The following TMEM38B variants were observed in gnomAD, a reference collection of about 807,000 sequenced individuals.
The protein encoded by TMEM38B is transmembrane protein 38B, also known as trimeric intracellular cation channel type B.
A neutral mutation model predicts 28.7 loss-of-function variants in TMEM38B; 24 were observed. The observed-to-expected ratio is 0.84, with a 90% confidence interval of 0.61 to 1.18. The LOEUF (loss-of-function observed/expected upper bound fraction) is 1.18. Ranked by LOEUF, TMEM38B falls within the 50% of genes most tolerant of loss-of-function variation. TMEM38B has a pLI of 0.00. For missense variants in TMEM38B, 380 were observed against 350.9 expected (o/e 1.08, Z -0.66); for synonymous variants, 131 against 127.7 (o/e 1.03, Z -0.17).
chr9:105,721,394 C>G, intron 2 of TMEM38B, 143 bp from the exon 3 acceptor site: 1 of 655,378 alleles, frequency 1.5e-6, no homozygotes, highest in Non-Finnish European at 2.4e-6. Flanking sequence ...CCAAGTTGTG[C>G]TTTTATTGAA....
chr9:105,748,156 T>C lies in TMEM38B; in HGVS notation c.626T>C (p.Met209Thr). 3 of 1,613,464 alleles carry C rather than the reference T, an allele frequency of 1.9e-6. No homozygotes were observed. The highest frequency in any genetic ancestry group is 2.5e-6 in the Non-Finnish European group (3 of 1,179,494). Residue 209 changes from methionine to threonine, a missense_variant, in exon 5 of 6, where the codon ATG (methionine) becomes ACG (threonine). By Grantham distance (81) the Met-to-Thr change is moderately conservative. Transcript: ENST00000374692. Reference sequence around the variant, plus strand: ...CTGGCAATATCAAAGCATAATCTTATGTTCCTTTATACCATCTTTATTGTG... The same window carrying C: ...CTGGCAATATCAAAGCATAATCTTACGTTCCTTTATACCATCTTTATTGTG... ...QHLAISKHNL[M>T]FLYTIFIVAT...
intron 4 of TMEM38B, among the ~76,000 whole-genome samples, chr9:105,747,753 T>C (rs778048318): frequency 1.1e-3 from 172 of 152,302 alleles, no homozygotes; most frequent in Non-Finnish European, 2.0e-3. Context: ...CTTACATGTG[T>C]CCCAGAGATT....
intron 5 of TMEM38B, among the ~76,000 whole-genome samples, chr9:105,765,656 G>T (rs1826347457): frequency 6.6e-6 from 1 of 152,018 alleles, no homozygotes; most frequent in Non-Finnish European, 1.5e-5. Context: ...AGTAGTATTA[G>T]GTACCACAAT....
intron 1 of TMEM38B, chr9:105,701,541 A>G (rs1835459756): frequency 6.6e-6 from 1 of 152,242 alleles, no homozygotes; most frequent in Admixed American, 6.5e-5. Flanking sequence ...CCGTAAAAAT[A>G]CTACATCTTG....
At chr9:105,721,904 C>G (rs1299841351) in intron 3 of TMEM38B, among the ~76,000 whole-genome samples, 183 bp downstream of exon 3, 4 of 152,054 alleles carry the variant, frequency 2.6e-5, no homozygotes, top group African/African-American at 9.7e-5. Flanking sequence ...AGTCCTAAGC[C>G]ATTATTTTGA....
intron 4 of TMEM38B, among the ~76,000 whole-genome samples, chr9:105,732,076 CA>C (rs2133592981): frequency 6.6e-6 from 1 of 152,234 alleles, no homozygotes; most frequent in East Asian, 1.9e-4. Flanking sequence ...AGCATTTTTT[CA>C]TATGTCTGTT....
intron 2 of TMEM38B, among the ~76,000 whole-genome samples, chr9:105,717,633 A>G (rs1313275901): frequency 6.7e-6 from 1 of 149,374 alleles, no homozygotes; most frequent in Non-Finnish European, 1.5e-5. Flanking sequence ...TATATTGTTT[A>G]TGGATATAAA....
intron 4 of TMEM38B, among the ~76,000 whole-genome samples, chr9:105,729,407 C>G (rs1402230158): frequency 6.6e-6 from 1 of 151,990 alleles, no homozygotes; most frequent in Non-Finnish European, 1.5e-5. Flanking sequence ...GTAGTGTTAT[C>G]TCTAAGGTCT....
chr9:105,763,480 A>G (rs1297067500), intron 5 of TMEM38B, among the ~76,000 whole-genome samples: 1 of 152,210 alleles, frequency 6.6e-6, no homozygotes, highest in African/African-American at 2.4e-5. Flanking sequence ...TAGAAAATCT[A>G]GAAGAAATGG....
At chr9:105,748,824 C>G (rs1337140893) in intron 5 of TMEM38B, among the ~76,000 whole-genome samples, 1 of 152,162 alleles carries the variant, frequency 6.6e-6, no homozygotes, top group Non-Finnish European at 1.5e-5. Flanking sequence ...TTGTTTGCAG[C>G]TGTATCATGA....
At position 105,763,276 on chromosome 9, in the gene TMEM38B, G is replaced by T. The variant is rs1331426261; in HGVS notation, c.661-10589G>T. The stretch of plus-strand genomic sequence containing the variant: ...TCTTTAGTTTAATTAGCTCTCATTT[G>T]TCAATTTTGGCTTTGGTTGCCATTG... On this transcript the variant is annotated intron_variant, in intron 5 of 5. Coordinates refer to ENST00000374692, the MANE Select transcript of TMEM38B (RefSeq NM_018112.3). Among the ~76,000 whole-genome samples the T allele has an allele frequency of 2.0e-5, 3 of 152,124 alleles. No individual in the cohort carries two copies. In the South Asian group the frequency reaches 6.2e-4, roughly 32 times the overall value.
chr9:105,743,702 C>G (rs1233490257), intron 4 of TMEM38B, among the ~76,000 whole-genome samples: 1 of 152,094 alleles, frequency 6.6e-6, no homozygotes, highest in Non-Finnish European at 1.5e-5. Flanking sequence ...GTACATCTCT[C>G]CTCTTCCATA....
chr9:105,739,824 C>T lies in TMEM38B; in HGVS notation c.543-8249C>T, dbSNP rs188456072. On this transcript the variant is annotated intron_variant, in intron 4 of 5. Coordinates refer to ENST00000374692, the MANE Select transcript of TMEM38B (RefSeq NM_018112.3). ...ATGGGCATGAGCCACCATGCCTGGC[C>T]GGTTTTAAGTCTTCCAATGTATGAA... Among the ~76,000 whole-genome samples, 173 of 151,948 alleles carry T rather than the reference C, an allele frequency of 1.1e-3. 2 individuals carry two copies. Among genetic ancestry groups the T allele is most frequent in the African/African-American group, 3.8e-3 (159 of 41,450 alleles).
At chr9:105,736,074 G>T (rs867521200) in intron 4 of TMEM38B, among the ~76,000 whole-genome samples, 22 of 148,170 alleles carry the variant, frequency 1.5e-4, no homozygotes, top group African/African-American at 5.3e-4. Flanking sequence ...TTTTTTGGTA[G>T]AGATAGGATC....
chr9:105,727,752 A>G (rs1054409666), intron 4 of TMEM38B, among the ~76,000 whole-genome samples: 1 of 152,028 alleles, frequency 6.6e-6, no homozygotes, highest in African/African-American at 2.4e-5. Flanking sequence ...TGTGATTCCC[A>G]ATGTTGGAGG....
intron 4 of TMEM38B, among the ~76,000 whole-genome samples, chr9:105,733,988 T>A (rs1482144000): frequency 6.6e-6 from 1 of 152,052 alleles, no homozygotes; most frequent in East Asian, 1.9e-4. Flanking sequence ...TTGTGCTAAT[T>A]TTGGGTTTAC....
chr9:105,701,861 A>C (rs1296734537), intron 1 of TMEM38B, among the ~76,000 whole-genome samples: 2 of 152,182 alleles, frequency 1.3e-5, no homozygotes, highest in Non-Finnish European at 2.9e-5. Flanking sequence ...ATTACTCATT[A>C]AGGAACTGGG....
chr9:105,710,691 A>G lies in TMEM38B; in HGVS notation c.269+4938A>G, dbSNP rs147206616. The G allele has an allele frequency of 8.7e-3, 5,914 of 682,258 alleles. 44 individuals are homozygous for G. Among genetic ancestry groups the G allele is most frequent in the Non-Finnish European group, 0.012 (4,227 of 356,072 alleles). 42.3% of individuals were successfully genotyped at this position (682,258 alleles called of 1,614,324 possible). On this transcript the variant is annotated intron_variant, in intron 2 of 5. Transcript: ENST00000374692. ...CATCAACTATAGGATCATAACGACC[A>G]AATTCACACCGTAAATCTTCAGACC...
chr9:105,710,960 G>A (rs915099454), intron 2 of TMEM38B, among the ~76,000 whole-genome samples: 4 of 152,096 alleles, frequency 2.6e-5, no homozygotes, highest in Admixed American at 6.5e-5. Flanking sequence ...CTGGGACCAC[G>A]GTGGTTCTTT....
Sources: allele counts gnomAD v4.1 joint callset (sites outside exome capture counted in the v4.1 genomes callset), GRCh38; gene constraint gnomAD v4.1.1; transcripts MANE v1.5; gene names NCBI Gene and HGNC (gene_info 2026-07-23, HGNC 2026-07-21).